ARMC9: variants seen among roughly 807,000 people sequenced by gnomAD.
The protein encoded by ARMC9 is armadillo repeat containing 9.
In ARMC9, 94 loss-of-function variants were observed where a neutral mutation model predicts 107.0. The ratio of observed to expected loss-of-function variants is 0.88; its 90% CI spans 0.74 to 1.04. The LOEUF (loss-of-function observed/expected upper bound fraction) is 1.04. Among genes scored for constraint, ARMC9 ranks in the 50% least tolerant of loss-of-function variants. The pLI is 0.00. For synonymous variants in ARMC9, 380 were observed against 396.9 expected, an observed-to-expected ratio of 0.96 and a Z score of 0.51; for missense variants, 942 against 1,030.1, an observed-to-expected ratio of 0.91 and a Z score of 1.17.
intron 12 of ARMC9, chr2:231,270,649 AT>A (rs1029031736): frequency 7.8e-6 from 4 of 511,792 alleles, no homozygotes; most frequent in African/African-American, 1.9e-5. Flanking sequence ...AGGGAGCCAA[AT>A]TAGTCATGTG....
intron 1 of ARMC9, among the ~76,000 whole-genome samples, chr2:231,200,757 C>T (rs141306459): frequency 0.013 from 1,926 of 151,942 alleles, 19 homozygotes; most frequent in Non-Finnish European, 0.02. Flanking sequence ...ATCACTTGAA[C>T]CCAGGAGGTG....
At chr2:231,293,321 C>T (rs943228708) in intron 18 of ARMC9, among the ~76,000 whole-genome samples, 7 of 152,162 alleles carry the variant, frequency 4.6e-5, no homozygotes, top group African/African-American at 1.4e-4. Context: ...GGGTAGGCCA[C>T]GGTGTGGGGG....
chr2:231,244,507 G>T (rs904044328), intron 9 of ARMC9, among the ~76,000 whole-genome samples: 10 of 151,804 alleles, frequency 6.6e-5, no homozygotes, highest in African/African-American at 2.4e-4. Context: ...CTGGGACTAT[G>T]GGCCTGCACC....
At chr2:231,348,129 A>G (rs114333997) in intron 21 of ARMC9, among the ~76,000 whole-genome samples, 3,068 of 152,322 alleles carry the variant, frequency 0.02, 110 homozygotes, top group African/African-American at 0.067. Context: ...ACATGGCAAA[A>G]AGGACTTTGC....
chr2:231,233,229 T>C (rs372643428), intron 7 of ARMC9, among the ~76,000 whole-genome samples: 1 of 152,236 alleles, frequency 6.6e-6, no homozygotes. Context: ...GTTTTTGAAA[T>C]ACAATTTGAA....
intron 12 of ARMC9, among the ~76,000 whole-genome samples, chr2:231,264,688 G>C (rs1018251239): frequency 3.3e-5 from 5 of 150,974 alleles, no homozygotes; most frequent in Non-Finnish European, 5.9e-5. Context: ...GTAGAGATGG[G>C]ATTTCTCCAT....
intron 19 of ARMC9, among the ~76,000 whole-genome samples, chr2:231,316,533 A>G (rs986547150): frequency 3.3e-5 from 5 of 151,800 alleles, no homozygotes; most frequent in African/African-American, 1.2e-4. Flanking sequence ...GTGGTGGCAC[A>G]TGCTACTTGG....
chr2:231,341,053 A>G (rs1475481462), intron 20 of ARMC9, among the ~76,000 whole-genome samples: 1 of 151,970 alleles, frequency 6.6e-6, no homozygotes, highest in African/African-American at 2.4e-5. Flanking sequence ...TTAATTAGCT[A>G]TGGTGACGCA....
chr2:231,284,152 C>G (rs2040417205), intron 17 of ARMC9, among the ~76,000 whole-genome samples: 1 of 152,146 alleles, frequency 6.6e-6, no homozygotes, highest in Non-Finnish European at 1.5e-5. Context: ...TTTAGAGATG[C>G]TTAGATACAC....
At chr2:231,352,399 T>C (rs938433927) in intron 21 of ARMC9, among the ~76,000 whole-genome samples, 1 of 151,128 alleles carries the variant, frequency 6.6e-6, no homozygotes, top group Non-Finnish European at 1.5e-5. Flanking sequence ...TTCAAGCGAT[T>C]CTCCTTTCTC....
rs1365375913 is a variant in ARMC9, at chr2:231,297,964, T to TA, written c.1773+1712dup. On this transcript the variant is annotated intron_variant, in intron 19 of 24. Coordinates refer to ENST00000611582, the MANE Select transcript of ARMC9 (RefSeq NM_001352754.2). The surrounding 1 kb of genome is among the most constrained non-coding windows in gnomAD (Gnocchi z 4.2). ...TTGTTTTTGCTATAAATCCTGTTTT[T>TA]ATCTTATAAGGGAAAATTCATTTTG... is the stretch of plus-strand genomic sequence containing the variant. 3.3e-5 allele frequency among the ~76,000 whole-genome samples: 5 copies of TA among 152,214 alleles called. No homozygotes were observed. Among genetic ancestry groups the TA allele is most frequent in the Non-Finnish European group, 1.5e-5 (1 of 68,036 alleles).
intron 5 of ARMC9, among the ~76,000 whole-genome samples, chr2:231,221,850 A>T (rs2034168508): frequency 6.7e-6 from 1 of 148,804 alleles, no homozygotes; most frequent in Admixed American, 6.7e-5. Flanking sequence ...AAAAAAAAAG[A>T]ACTTTCTGCT....
At chr2:231,231,877 C>A (rs916753585) in intron 7 of ARMC9, among the ~76,000 whole-genome samples, 1 of 150,342 alleles carries the variant, frequency 6.7e-6, no homozygotes, top group South Asian at 2.1e-4. Flanking sequence ...TTAGTAGAGA[C>A]GGGGTTTCCC....
At chr2:231,326,870 A>C (rs1458762431) in intron 19 of ARMC9, among the ~76,000 whole-genome samples, 2 of 152,210 alleles carry the variant, frequency 1.3e-5, no homozygotes, top group Non-Finnish European at 2.9e-5. Flanking sequence ...GGCAAGTGTC[A>C]AGGAGCCAAT....
intron 19 of ARMC9, among the ~76,000 whole-genome samples, chr2:231,298,798 G>A (rs2041539358): frequency 6.6e-6 from 1 of 152,158 alleles, no homozygotes; most frequent in African/African-American, 2.4e-5. Flanking sequence ...CTGGTTCATG[G>A]TGGCGTGCGC....
At position 231,291,287 on chromosome 2, in the gene ARMC9, C is replaced by G. The variant is rs961662326; in HGVS notation, c.1627-66C>G. 76 of 1,310,796 alleles carry G rather than the reference C, an allele frequency of 5.8e-5. No individual in the cohort carries two copies. In the South Asian group the frequency reaches 9.0e-4, roughly 16 times the overall value. The allele number at this position is 1,310,796 out of a possible 1,614,324, so 81.2% of individuals were successfully genotyped here. A position where few individuals can be genotyped will look rare whatever the true frequency, so the allele number is the denominator to read the frequency against. On this transcript the variant is annotated intron_variant, in intron 17 of 24. Coordinates refer to ENST00000611582, the MANE Select transcript of ARMC9 (RefSeq NM_001352754.2). Reference sequence around the variant, plus strand: ...TATTTTTTGGATTAGATGAGATGACCTCATTGAAAAGTAGTTTCCCTCCAG... The same window carrying G: ...TATTTTTTGGATTAGATGAGATGACGTCATTGAAAAGTAGTTTCCCTCCAG...
At chr2:231,210,176 TCAAGGCAGGG>T (rs2032623930) in intron 3 of ARMC9, among the ~76,000 whole-genome samples, 1 of 152,148 alleles carries the variant, frequency 6.6e-6, no homozygotes, top group South Asian at 2.1e-4. Flanking sequence ...CCCGTGGAGC[TCAAGGCAGGG>T]CTGAACCCTC....
intron 20 of ARMC9, among the ~76,000 whole-genome samples, chr2:231,335,517 G>A (rs899320727): frequency 6.6e-6 from 1 of 152,188 alleles, no homozygotes; most frequent in African/African-American, 2.4e-5. Flanking sequence ...CCTCTGCTCT[G>A]CAGAGCACAG....
At chr2:231,285,518 C>T (rs1483465904) in intron 17 of ARMC9, among the ~76,000 whole-genome samples, 7 of 150,244 alleles carry the variant, frequency 4.7e-5, no homozygotes, top group African/African-American at 1.5e-4. Flanking sequence ...TGGTGGTGGG[C>T]GCCGATAATC....
Sources: gnomAD v4.1 joint callset for allele counts (sites outside exome capture counted in the v4.1 genomes callset) on GRCh38, gnomAD v4.1.1 for gene constraint, Gnocchi (gnomAD v3.1) non-coding constraint, MANE v1.5 for transcripts, NCBI Gene and HGNC (gene_info 2026-07-23, HGNC 2026-07-21) for gene names.